Variants in RAB10 observed in about 807,000 individuals in gnomAD.
RAB10 encodes the protein ras-related protein Rab-10.
RAB10 carries 5 observed loss-of-function variants against 25.7 expected under a neutral mutation model. The ratio of observed to expected loss-of-function variants is 0.19; its 90% CI spans 0.10 to 0.41. The LOEUF (loss-of-function observed/expected upper bound fraction) is 0.41. Ranked by LOEUF, RAB10 falls within the 10% of genes least tolerant of loss-of-function variation. RAB10 has a pLI of 1.00. For synonymous variants in RAB10, 89 were observed against 86.4 expected (o/e 1.03, Z -0.16); for missense variants, 103 against 245.8 (o/e 0.42, Z 3.89).
chr2:26,048,764 A>G (rs188316404), intron 1 of RAB10, among the ~76,000 whole-genome samples: 13 of 152,300 alleles, frequency 8.5e-5, no homozygotes, highest in African/African-American at 1.7e-4. Context: ...AGTTTCAGCT[A>G]TCTGAGAGAC....
chr2:26,115,689 A>G (rs1204785372), intron 3 of RAB10, among the ~76,000 whole-genome samples: 1 of 152,158 alleles, frequency 6.6e-6, no homozygotes, highest in Non-Finnish European at 1.5e-5. Context: ...AAATAACTAA[A>G]AAAACACTGA....
At chr2:26,104,150 A>G (rs1667417755) in intron 2 of RAB10, among the ~76,000 whole-genome samples, 1 of 152,214 alleles carries the variant, frequency 6.6e-6, no homozygotes, top group Non-Finnish European at 1.5e-5. Context: ...ATTTTGAGGA[A>G]CTACCTGACT....
intron 1 of RAB10, among the ~76,000 whole-genome samples, chr2:26,063,205 G>A (rs2149267916): frequency 6.6e-6 from 1 of 152,144 alleles, no homozygotes; most frequent in South Asian, 2.1e-4. Context: ...GCTTTCTTGT[G>A]TAGATAGCCT....
intron 3 of RAB10, among the ~76,000 whole-genome samples, chr2:26,126,545 A>T (rs1420246635): frequency 2.0e-5 from 3 of 152,188 alleles, no homozygotes; most frequent in Non-Finnish European, 2.9e-5. Flanking sequence ...GGAAGCCCAG[A>T]TCACACCACT....
intron 1 of RAB10, among the ~76,000 whole-genome samples, chr2:26,075,334 G>A (rs2149271772): frequency 6.6e-6 from 1 of 152,226 alleles, no homozygotes; most frequent in Middle Eastern, 3.4e-3. Flanking sequence ...AGGGAGAACA[G>A]TCCTTATCTC....
chr2:26,068,736 G>A (rs1254064971), intron 1 of RAB10, among the ~76,000 whole-genome samples: 1 of 152,104 alleles, frequency 6.6e-6, no homozygotes, highest in African/African-American at 2.4e-5. Context: ...TGTGTTAATC[G>A]CTTAACTCTG....
intron 1 of RAB10, among the ~76,000 whole-genome samples, chr2:26,056,426 T>C (rs1666269251): frequency 6.6e-6 from 1 of 151,800 alleles, no homozygotes; most frequent in Non-Finnish European, 1.5e-5. Context: ...CTCAATCTCC[T>C]GACCTCATGA....
chr2:26,121,256 C>T (rs530321014), intron 3 of RAB10, among the ~76,000 whole-genome samples: 2 of 152,228 alleles, frequency 1.3e-5, no homozygotes, highest in Admixed American at 1.3e-4. Flanking sequence ...GGGTATCGTC[C>T]TTGCAACAAA....
rs573940041 is a variant in RAB10 at position 26,097,734 on chromosome 2, G to A, written c.128-928G>A. On this transcript the variant is annotated intron_variant, in intron 1 of 5. Transcript: ENST00000264710. Reference sequence around the variant, plus strand: ...TATGTCAAATTGGTTAATATAGTGTGGTTTAAGTCTTCTGTATCATTATTG... The same window carrying A: ...TATGTCAAATTGGTTAATATAGTGTAGTTTAAGTCTTCTGTATCATTATTG... Among the ~76,000 whole-genome samples the A allele has an allele frequency of 2.0e-5, 3 of 152,198 alleles. No homozygotes were observed. The South Asian group carries it at 6.2e-4, about 32-fold the overall frequency.
At chr2:26,116,942 C>T (rs568155524) in intron 3 of RAB10, among the ~76,000 whole-genome samples, 1 of 151,750 alleles carries the variant, frequency 6.6e-6, no homozygotes, top group South Asian at 2.1e-4. Flanking sequence ...GTTAGCTGGA[C>T]TTCAGGCATG....
intron 2 of RAB10, among the ~76,000 whole-genome samples, chr2:26,106,979 C>G (rs1353652034): frequency 6.6e-6 from 1 of 151,952 alleles, no homozygotes; most frequent in Admixed American, 6.6e-5. Flanking sequence ...GGTGTGGTGG[C>G]TCACGCCTGT....
chr2:26,121,619 A>G lies in RAB10; in HGVS notation c.328-5525A>G, dbSNP rs1667804457. ...AAATTAAGAAAAAGTTAAGTATATT[A>G]TGAATGTCTAAAGTATATGTAGATA... is the stretch of plus-strand genomic sequence containing the variant. On this transcript the variant is annotated intron_variant, in intron 3 of 5. Coordinates refer to ENST00000264710, the MANE Select transcript of RAB10 (RefSeq NM_016131.5). Among the ~76,000 whole-genome samples, 3 of 152,226 alleles carry G rather than the reference A, an allele frequency of 2.0e-5. No homozygotes were observed. In the South Asian group the frequency reaches 6.2e-4, roughly 32 times the overall value.
At chr2:26,121,062 T>C (rs1667794223) in intron 3 of RAB10, among the ~76,000 whole-genome samples, 1 of 151,900 alleles carries the variant, frequency 6.6e-6, no homozygotes, top group Non-Finnish European at 1.5e-5. Context: ...CAGACGTGCA[T>C]CGCCACACCC....
At chr2:26,046,434 GAA>G (rs1443617688) in intron 1 of RAB10, among the ~76,000 whole-genome samples, 1 of 152,160 alleles carries the variant, frequency 6.6e-6, no homozygotes, top group African/African-American at 2.4e-5. Flanking sequence ...GTTTTTATTT[GAA>G]GACAGTGCAG....
intron 1 of RAB10, among the ~76,000 whole-genome samples, chr2:26,036,325 A>G (rs1393524041): frequency 6.6e-6 from 1 of 152,162 alleles, no homozygotes; most frequent in East Asian, 1.9e-4. Flanking sequence ...GCTAGTCTAA[A>G]TCGTGAGGAG....
At chr2:26,134,612 A>G (rs988007409) in intron 5 of RAB10, among the ~76,000 whole-genome samples, 2 of 152,222 alleles carry the variant, frequency 1.3e-5, no homozygotes, top group Non-Finnish European at 2.9e-5. Flanking sequence ...CTTGCTCCAC[A>G]ATGCCTTTTA....
At position 26,088,634 on chromosome 2, in the gene RAB10, T is replaced by A. The variant is rs899127057; in HGVS notation, c.128-10028T>A. 7.2e-5 allele frequency among the ~76,000 whole-genome samples: 11 copies of A among 152,154 alleles called. No individual in the cohort carries two copies. The East Asian group carries it at 2.1e-3, about 29-fold the overall frequency. ...CTTGTCCCCCCACCAAGTTGGAGTC[T>A]TGCGAATCTTGCTCTGTCGCCCAGG... On this transcript the variant is annotated intron_variant, in intron 1 of 5. Coordinates refer to ENST00000264710, the MANE Select transcript of RAB10 (RefSeq NM_016131.5).
chr2:26,109,976 T>C, intron 3 of RAB10, 70 bp downstream of exon 3: 1 of 1,362,602 alleles, frequency 7.3e-7, no homozygotes, highest in East Asian at 2.6e-5. Flanking sequence ...AGAATAAATA[T>C]TCCAACTGAT....
intron 1 of RAB10, among the ~76,000 whole-genome samples, chr2:26,049,133 C>T (rs913966413): frequency 1.9e-4 from 28 of 150,722 alleles, no homozygotes; most frequent in Admixed American, 1.7e-3. Flanking sequence ...TTATATTTTA[C>T]ACCCTATTTT....
Sources: gnomAD v4.1 joint callset for allele counts (sites outside exome capture counted in the v4.1 genomes callset) on GRCh38, gnomAD v4.1.1 for gene constraint, MANE v1.5 for transcripts, NCBI Gene and HGNC (gene_info 2026-07-23, HGNC 2026-07-21) for gene names.